MTARC2: variants seen among roughly 807,000 people sequenced by gnomAD.
MTARC2 encodes mitochondrial amidoxime reducing component 2.
Under a neutral mutation model 35.6 loss-of-function variants are expected in MTARC2, and 27 were observed. The observed-to-expected ratio is 0.76, with a 90% CI of 0.56 to 1.04. MTARC2 has a LOEUF of 1.04. Ranked by LOEUF, MTARC2 falls within the 50% of genes least tolerant of loss-of-function variation. The pLI, the probability that MTARC2 is intolerant of heterozygous loss-of-function variation, is 0.00. For missense variants in MTARC2, 412 were observed against 432.5 expected (o/e 0.95, Z 0.42); for synonymous variants, 158 against 167.1 (o/e 0.95, Z 0.42).
chr1:220,776,560 T>C (rs957697452), intron 4 of MTARC2, among the ~76,000 whole-genome samples: 11 of 152,160 alleles, frequency 7.2e-5, no homozygotes, highest in Admixed American at 5.9e-4. Flanking sequence ...GTTGAGAATA[T>C]ATATGATTAT....
At chr1:220,773,543 T>C (rs1671804246) in intron 4 of MTARC2, among the ~76,000 whole-genome samples, 2 of 152,126 alleles carry the variant, frequency 1.3e-5, no homozygotes, top group Non-Finnish European at 2.9e-5. Context: ...GTGAGAAGCA[T>C]GGGTGGCCTG....
At chr1:220,754,886 G>A (rs1396705649) in intron 1 of MTARC2, 61 bp from the exon 2 acceptor site, 3 of 1,448,898 alleles carry the variant, frequency 2.1e-6, no homozygotes, top group African/African-American at 2.8e-5. Context: ...GAAAGCTGGA[G>A]GGAAGCTGTT....
At chr1:220,778,424 G>A (rs144443299) in intron 4 of MTARC2, among the ~76,000 whole-genome samples, 510 of 152,174 alleles carry the variant, frequency 3.4e-3, no homozygotes, top group South Asian at 0.024. Flanking sequence ...AGAGAGCGAA[G>A]GGGAAGTGCC....
chr1:220,761,947 G>A, intron 3 of MTARC2, 127 bp downstream of exon 3: 5 of 905,456 alleles, frequency 5.5e-6, no homozygotes, highest in Non-Finnish European at 8.5e-6. Context: ...CCTGGTGAGT[G>A]ATAATGAGGG....
At chr1:220,773,938 C>T (rs1113125) in intron 4 of MTARC2, among the ~76,000 whole-genome samples, 2 of 151,542 alleles carry the variant, frequency 1.3e-5, no homozygotes, top group African/African-American at 4.9e-5. Context: ...TTTTTATGTA[C>T]ATGGAATCAT....
At chr1:220,763,177 T>A (rs1671487126) in intron 4 of MTARC2, 127 bp downstream of exon 4, 2 of 1,320,706 alleles carry the variant, frequency 1.5e-6, no homozygotes, top group Non-Finnish European at 2.1e-6. Context: ...GCTGCTGCCA[T>A]CACTCATTGC....
In MTARC2 at chr1:220,784,150, A is replaced by G. The variant is rs1387240824; in HGVS notation, c.*263A>G. ...GAAGGCTTTAAAAATAATTAAGATC[A>G]TCAAAAATGCTATTTTGAATGTTAT... On this transcript the variant is annotated 3_prime_UTR_variant, in exon 8 of 8. Coordinates refer to ENST00000366913, the MANE Select transcript of MTARC2 (RefSeq NM_017898.5). 2.1e-6 allele frequency: 1 copy of G among 485,336 alleles called. No individual in the cohort carries two copies. Among genetic ancestry groups the G allele is most frequent in the African/African-American group, 2.0e-5 (1 of 51,164 alleles). The allele number at this position is 485,336 out of a possible 1,614,324, so 30.1% of individuals were successfully genotyped here. A position where few individuals can be genotyped will look rare whatever the true frequency, so the allele number is the denominator to read the frequency against.
intron 2 of MTARC2, among the ~76,000 whole-genome samples, chr1:220,760,544 CAG>C (rs1426031614): frequency 8.5e-5 from 13 of 152,210 alleles, no homozygotes; most frequent in African/African-American, 3.1e-4. Context: ...GAGATTCATT[CAG>C]AGTTTTATGG....
In MTARC2 at chr1:220,748,863, G is replaced by GA. The variant is rs552798673; in HGVS notation, c.272+60_272+61insA. On this transcript the variant is annotated intron_variant, in intron 1 of 7. Transcript: ENST00000366913. ...CCTGCCTGGGATGAGGAGCGGGGGG[G>GA]CAGGTGGGGCCCGATCTATCTGGGA... 1.5e-4 allele frequency: 230 copies of GA among 1,484,676 alleles called. 1 individual carries two copies. The African/African-American group carries it at 3.0e-3, about 20-fold the overall frequency. The allele number at this position is 1,484,676 out of a possible 1,614,324, so 92.0% of individuals were successfully genotyped here.
chr1:220,782,548 G>A (rs994805427), intron 7 of MTARC2, among the ~76,000 whole-genome samples: 3 of 152,176 alleles, frequency 2.0e-5, no homozygotes, highest in African/African-American at 4.8e-5. Context: ...GTTGGACAGA[G>A]GACCTCAAAT....
chr1:220,779,823 C>T, intron 4 of MTARC2, 195 bp from the exon 5 acceptor site: 1 of 442,738 alleles, frequency 2.3e-6, no homozygotes. Context: ...GGTTTTGAGA[C>T]TGGGAGTCAA....
intron 1 of MTARC2, among the ~76,000 whole-genome samples, chr1:220,753,588 G>T (rs1216722507): frequency 6.6e-6 from 1 of 152,152 alleles, no homozygotes; most frequent in Non-Finnish European, 1.5e-5. Context: ...TGATGGCTCT[G>T]GTCATATTTT....
intron 4 of MTARC2, among the ~76,000 whole-genome samples, chr1:220,776,792 C>T (rs542132676): frequency 6.6e-6 from 1 of 152,202 alleles, no homozygotes; most frequent in Non-Finnish European, 1.5e-5. Flanking sequence ...AATTCTTTAG[C>T]TCTCACACAC....
intron 2 of MTARC2, among the ~76,000 whole-genome samples, chr1:220,757,930 T>A (rs1671326214): frequency 6.6e-6 from 1 of 152,164 alleles, no homozygotes; most frequent in Admixed American, 6.5e-5. Context: ...TCACAGACAT[T>A]TGGACAAGGC....
chr1:220,748,796 C>A lies in MTARC2; in HGVS notation c.265C>A (p.Arg89=). 1 of 1,591,664 alleles carries A rather than the reference C, an allele frequency of 6.3e-7. No homozygotes were observed. Among genetic ancestry groups the A allele is most frequent in the Admixed American group, 1.7e-5 (1 of 57,488 alleles). ...CATGGGGCTGCGCAGCGGCAACCTG[C>A]GGGACAGGTACAGCACAGCGCGGGC... is the stretch of plus-strand genomic sequence containing the variant. ...TAMGLRSGNL[R]DRFWLVIKED... is the part of the protein sequence containing the mutation. Residue 89 remains arginine (R), a synonymous_variant, in exon 1 of 8, where the codon CGG becomes AGG. Coordinates refer to ENST00000366913, the MANE Select transcript of MTARC2 (RefSeq NM_017898.5).
Position 220,762,990 on chromosome 1 carries a change from A to G in MTARC2, c.690A>G (p.Lys230=). 6.2e-7 allele frequency: 1 copy of G among 1,614,168 alleles called. No homozygotes were observed. Among genetic ancestry groups the G allele is most frequent in the East Asian group, 2.2e-5 (1 of 44,882 alleles). The part of the protein sequence containing the change: ...LVDLNTRMEK[K]MKMENFRPNI... ...ATTTGAATACCAGGATGGAGAAGAA[A>G]ATGAAAATGGAGAATTTCAGGCCAA... is the stretch of plus-strand genomic sequence containing the variant. Residue 230 remains lysine (K), a synonymous_variant, in exon 4 of 8, where the codon AAA becomes AAG. Coordinates refer to ENST00000366913, the MANE Select transcript of MTARC2 (RefSeq NM_017898.5).
Position 220,748,521 on chromosome 1 carries a change from C to T in MTARC2, c.-11C>T. The T allele has an allele frequency of 1.4e-6, 2 of 1,392,650 alleles. No individual in the cohort carries two copies. Among genetic ancestry groups the T allele is most frequent in the South Asian group, 1.6e-5 (1 of 62,376 alleles). The allele number at this position is 1,392,650 out of a possible 1,614,324, so 86.3% of individuals were successfully genotyped here. A position where few individuals can be genotyped will look rare whatever the true frequency, so the allele number is the denominator to read the frequency against. ...GTCTGTGCGCCGGTCCGCGCCCGCC[C>T]TCGCTCTGCCATGGGCGCTTCCAGC... is the stretch of plus-strand genomic sequence containing the variant. On this transcript the variant is annotated 5_prime_UTR_variant, in exon 1 of 8. Coordinates refer to ENST00000366913, the MANE Select transcript of MTARC2 (RefSeq NM_017898.5).
At chr1:220,771,007 GCCTT>G (rs1671729412) in intron 4 of MTARC2, among the ~76,000 whole-genome samples, 1 of 152,162 alleles carries the variant, frequency 6.6e-6, no homozygotes, top group East Asian at 1.9e-4. Flanking sequence ...TTCTAAAAAA[GCCTT>G]AGGCAGTCCA....
At chr1:220,779,115 G>A (rs564712991) in intron 4 of MTARC2, among the ~76,000 whole-genome samples, 5 of 152,264 alleles carry the variant, frequency 3.3e-5, no homozygotes, top group South Asian at 2.1e-4. Flanking sequence ...AAAACCCTAA[G>A]AGGGTAGAGG....
Sources: gnomAD v4.1 joint callset for allele counts (sites outside exome capture counted in the v4.1 genomes callset) on GRCh38, gnomAD v4.1.1 for gene constraint, MANE v1.5 for transcripts, NCBI Gene and HGNC (gene_info 2026-07-23, HGNC 2026-07-21) for gene names.